The following MAGI2 variants were observed in gnomAD, a reference collection of about 807,000 sequenced individuals.
The protein encoded by MAGI2 is membrane associated guanylate kinase, WW and PDZ domain containing 2, also known as membrane-associated guanylate kinase, WW and PDZ domain-containing protein 2.
MAGI2 carries 35 observed loss-of-function variants against 133.3 expected under a neutral mutation model. That is an observed-to-expected ratio of 0.26 (90% CI 0.20 to 0.35). The LOEUF is 0.35. Among genes scored for constraint, MAGI2 ranks in the 10% least tolerant of loss-of-function variants. The pLI is 1.00. For missense variants in MAGI2, 1,636 were observed against 1,863.4 expected, an observed-to-expected ratio of 0.88 and a Z score of 2.25; for synonymous variants, 729 against 710.6, an observed-to-expected ratio of 1.03 and a Z score of -0.41.
chr7:79,134,810 C>T (rs979682636), intron 1 of MAGI2, among the ~76,000 whole-genome samples: 11 of 152,146 alleles, frequency 7.2e-5, no homozygotes, highest in Admixed American at 5.9e-4. Context: ...AAACAAAATG[C>T]TGCTAACAGC....
chr7:78,833,895 T>C (rs1791401073), intron 2 of MAGI2, among the ~76,000 whole-genome samples: 1 of 152,220 alleles, frequency 6.6e-6, no homozygotes, highest in Admixed American at 6.5e-5. Context: ...TATCTTTGAT[T>C]ATGTAGTATA....
intron 1 of MAGI2, among the ~76,000 whole-genome samples, chr7:79,227,223 T>C (rs1830936815): frequency 6.6e-6 from 1 of 152,150 alleles, no homozygotes; most frequent in African/African-American, 2.4e-5. Flanking sequence ...AAAAGTTGAA[T>C]TGGTCATAAA....
chr7:78,196,053 T>A (rs1014706232), intron 11 of MAGI2, among the ~76,000 whole-genome samples: 1 of 152,344 alleles, frequency 6.6e-6, no homozygotes, highest in African/African-American at 2.4e-5. Flanking sequence ...AGCCTGGGTC[T>A]GCTCACCTTC....
At chr7:78,637,983 G>T (rs950926424) in intron 2 of MAGI2, among the ~76,000 whole-genome samples, 4 of 151,844 alleles carry the variant, frequency 2.6e-5, no homozygotes, top group African/African-American at 9.7e-5. Context: ...TTGATTACTT[G>T]AGCCCAAGAG....
chr7:78,297,282 C>CCAT (rs1441652317), intron 9 of MAGI2, among the ~76,000 whole-genome samples: 1 of 151,874 alleles, frequency 6.6e-6, no homozygotes, highest in Non-Finnish European at 1.5e-5. Flanking sequence ...CAATGAGATA[C>CCAT]CATCTCACAC....
intron 6 of MAGI2, among the ~76,000 whole-genome samples, chr7:78,470,617 A>G (rs1032975388): frequency 6.6e-6 from 1 of 152,140 alleles, no homozygotes; most frequent in Non-Finnish European, 1.5e-5. Flanking sequence ...ATCAAAAAAC[A>G]ACATGAATTT....
At chr7:79,167,113 C>T (rs1825005569) in intron 1 of MAGI2, among the ~76,000 whole-genome samples, 1 of 151,900 alleles carries the variant, frequency 6.6e-6, no homozygotes, top group Non-Finnish European at 1.5e-5. Flanking sequence ...CAATTTAATA[C>T]CTTACTATAC....
intron 7 of MAGI2, chr7:78,348,347 C>T (rs768056772): frequency 2.6e-5 from 4 of 152,110 alleles, no homozygotes. Context: ...GAATTGTTTA[C>T]AATGTTTACA....
intron 21 of MAGI2, among the ~76,000 whole-genome samples, chr7:78,060,579 T>G (rs1273767637): frequency 1.3e-5 from 2 of 152,162 alleles, no homozygotes; most frequent in African/African-American, 4.8e-5. Context: ...GAAAGAAGCA[T>G]GAGGGCTATG....
chr7:79,043,174 T>G (rs1365264385), intron 1 of MAGI2, among the ~76,000 whole-genome samples: 3 of 151,662 alleles, frequency 2.0e-5, no homozygotes, highest in African/African-American at 7.3e-5. Flanking sequence ...CTAGAGGAAC[T>G]AGCACAACAA....
intron 3 of MAGI2, among the ~76,000 whole-genome samples, chr7:78,561,267 T>G (rs1800375797): frequency 6.6e-6 from 1 of 152,154 alleles, no homozygotes; most frequent in Non-Finnish European, 1.5e-5. Flanking sequence ...GTGTTTGTTC[T>G]AGCAAGTACA....
At position 78,899,603 on chromosome 7, in the gene MAGI2, T is replaced by TGTAC. The variant is rs560804729; in HGVS notation, c.418+107483_418+107486dup. On this transcript the variant is annotated intron_variant, in intron 2 of 21. Coordinates refer to ENST00000354212, the MANE Select transcript of MAGI2 (RefSeq NM_012301.4). ...TTGGGGGTTTAAATGATATAATGTG[T>TGTAC]GTACTGCAGAGGTTGTCAAACCTCA... Among the ~76,000 whole-genome samples, 728 of 152,298 alleles carry TGTAC rather than the reference T, an allele frequency of 4.8e-3. 6 individuals carry two copies. The highest frequency in any genetic ancestry group is 0.011 in the South Asian group (54 of 4,830).
intron 1 of MAGI2, among the ~76,000 whole-genome samples, chr7:79,210,228 A>G (rs145393668): frequency 6.6e-6 from 1 of 152,172 alleles, no homozygotes; most frequent in African/African-American, 2.4e-5. Context: ...CTGATACCAG[A>G]TTTTTTATGC....
At chr7:79,228,263 A>G (rs1242526907) in intron 1 of MAGI2, among the ~76,000 whole-genome samples, 1 of 148,514 alleles carries the variant, frequency 6.7e-6, no homozygotes, top group Non-Finnish European at 1.5e-5. Context: ...GGATTGCTGG[A>G]CCCCGGGAGT....
chr7:78,033,464 G>A (rs1357067639), intron 21 of MAGI2, among the ~76,000 whole-genome samples: 1 of 100,020 alleles, frequency 1.0e-5, no homozygotes, highest in Non-Finnish European at 1.9e-5. Context: ...CACAGTAAGA[G>A]CTTGTCTCAA....
intron 6 of MAGI2, among the ~76,000 whole-genome samples, chr7:78,452,797 T>C (rs1006054785): frequency 6.6e-6 from 1 of 151,982 alleles, no homozygotes; most frequent in Admixed American, 6.6e-5. Context: ...CTAAAGTTAC[T>C]GAAGACTAAT....
At chr7:78,817,960 A>T (rs1789753753) in intron 2 of MAGI2, among the ~76,000 whole-genome samples, 1 of 152,122 alleles carries the variant, frequency 6.6e-6, no homozygotes, top group Admixed American at 6.6e-5. Flanking sequence ...GGAAACCAAA[A>T]AAATTGTGTG....
At chr7:78,394,690 G>A (rs1332534867) in intron 6 of MAGI2, among the ~76,000 whole-genome samples, 1 of 152,062 alleles carries the variant, frequency 6.6e-6, no homozygotes, top group Non-Finnish European at 1.5e-5. Flanking sequence ...ACACTTACAG[G>A]GCAACGGTTA....
intron 6 of MAGI2, among the ~76,000 whole-genome samples, chr7:78,435,503 C>G (rs1800196996): frequency 6.6e-6 from 1 of 152,078 alleles, no homozygotes; most frequent in African/African-American, 2.4e-5. Context: ...TGAGCCTACC[C>G]TGGTACATTC....
Sources: allele counts gnomAD v4.1 joint callset (sites outside exome capture counted in the v4.1 genomes callset), GRCh38; gene constraint gnomAD v4.1.1; transcripts MANE v1.5; gene names NCBI Gene and HGNC (gene_info 2026-07-23, HGNC 2026-07-21).